The following SRRM4 variants were observed in gnomAD, a reference collection of about 807,000 sequenced individuals.
SRRM4 encodes serine/arginine repetitive matrix protein 4.
A neutral mutation model predicts 68.9 loss-of-function variants in SRRM4; 33 were observed. The observed-to-expected ratio is 0.48, with a 90% CI of 0.36 to 0.64. The LOEUF is 0.64. Among genes scored for constraint, SRRM4 ranks in the 30% least tolerant of loss-of-function variants. SRRM4 has a pLI of 0.00. For missense variants in SRRM4, 817 were observed against 827.1 expected, an observed-to-expected ratio of 0.99 and a Z score of 0.15; for synonymous variants, 318 against 318.8, an observed-to-expected ratio of 1.00 and a Z score of 0.03.
Position 119,145,573 on chromosome 12 carries a change from C to A in SRRM4, c.964C>A (p.Leu322Ile). ...TGGGGGCTTGAGCAAGAGCCGGGAG[C>A]TCAACAGTGGCAACACCTCTGATTC... ...PSGGLSKSRE[L>I]NSGNTSDSGN... is the part of the protein sequence containing the mutation. The change falls in exon 9 of 13, where the codon CTC becomes ATC. Residue 322 changes from leucine (L) to isoleucine (I), a missense_variant. Transcript: ENST00000267260. 3.1e-6 allele frequency: 5 copies of A among 1,602,310 alleles called. No individual in the cohort carries two copies. Among genetic ancestry groups the A allele is most frequent in the South Asian group, 1.1e-5 (1 of 89,248 alleles).
At chr12:119,032,896 G>T (rs1247876042) in intron 1 of SRRM4, among the ~76,000 whole-genome samples, 1 of 151,936 alleles carries the variant, frequency 6.6e-6, no homozygotes, top group African/African-American at 2.4e-5. Context: ...ATTTTGTTGA[G>T]AATTTAAAAT....
At chr12:119,146,442 C>G (rs559930093) in intron 9 of SRRM4, among the ~76,000 whole-genome samples, 1 of 151,618 alleles carries the variant, frequency 6.6e-6, no homozygotes, top group Admixed American at 6.6e-5. Flanking sequence ...CAAAATTAGC[C>G]GGGTGTGGTG....
intron 1 of SRRM4, among the ~76,000 whole-genome samples, chr12:118,990,722 T>C (rs976119756): frequency 6.6e-6 from 1 of 152,248 alleles, no homozygotes; most frequent in African/African-American, 2.4e-5. Flanking sequence ...ATTATCCACA[T>C]AGACCCAGAA....
intron 1 of SRRM4, among the ~76,000 whole-genome samples, chr12:119,055,159 T>C (rs1436030142): frequency 2.0e-5 from 3 of 152,074 alleles, no homozygotes; most frequent in Non-Finnish European, 4.4e-5. Context: ...CTCTGTGAAA[T>C]CTTATTTTTA....
chr12:119,077,851 AAG>A (rs1953925612), intron 1 of SRRM4, among the ~76,000 whole-genome samples: 2 of 152,140 alleles, frequency 1.3e-5, no homozygotes, highest in Non-Finnish European at 2.9e-5. Context: ...TACAGACAAT[AAG>A]AGTGATTTTA....
chr12:119,030,678 C>T (rs2136005899), intron 1 of SRRM4, among the ~76,000 whole-genome samples: 1 of 152,258 alleles, frequency 6.6e-6, no homozygotes, highest in East Asian at 1.9e-4. Context: ...GCTTTATAAG[C>T]CATTTTTCTC....
intron 1 of SRRM4, among the ~76,000 whole-genome samples, chr12:119,032,052 G>C (rs558687460): frequency 6.6e-5 from 10 of 152,222 alleles, no homozygotes; most frequent in African/African-American, 2.4e-4. Flanking sequence ...ATAGTAATTA[G>C]TAATTTTGTT....
rs1317326701 is a variant in SRRM4, at chr12:119,160,319, CT to C, written c.*3522del. The C allele has an allele frequency of 9.5e-5, 12 of 125,918 alleles. No individual in the cohort carries two copies. Among genetic ancestry groups the C allele is most frequent in the African/African-American group, 3.8e-4 (12 of 31,438 alleles). 7.8% of individuals were successfully genotyped at this position (125,918 alleles called of 1,614,324 possible). A position where few individuals can be genotyped will look rare whatever the true frequency, so the allele number is the denominator to read the frequency against. ...TCTCTCTCTCTCTCTCTCTCTCTCT[CT>C]CTCAGTGTATTTCTCTACTTTCTTT... On this transcript the variant is annotated 3_prime_UTR_variant, in exon 13 of 13. Coordinates refer to ENST00000267260, the MANE Select transcript of SRRM4 (RefSeq NM_194286.4).
At chr12:119,013,169 G>A (rs561281824) in intron 1 of SRRM4, among the ~76,000 whole-genome samples, 45 of 152,174 alleles carry the variant, frequency 3.0e-4, no homozygotes, top group African/African-American at 1.1e-3. Flanking sequence ...AAATTTTGGA[G>A]TCAATCAGGC....
chr12:119,097,438 C>T (rs1954052792), intron 1 of SRRM4, among the ~76,000 whole-genome samples: 1 of 152,038 alleles, frequency 6.6e-6, no homozygotes, highest in Admixed American at 6.5e-5. Context: ...TTCATTTGTT[C>T]ATTCAATGAA....
At chr12:119,103,803 G>A (rs1277337557) in intron 2 of SRRM4, among the ~76,000 whole-genome samples, 3 of 152,170 alleles carry the variant, frequency 2.0e-5, no homozygotes, top group Non-Finnish European at 4.4e-5. Flanking sequence ...AGGAGTTGGA[G>A]ACCAGCCTGG....
At chr12:119,040,997 G>A (rs1489444824) in intron 1 of SRRM4, among the ~76,000 whole-genome samples, 4 of 151,898 alleles carry the variant, frequency 2.6e-5, no homozygotes, top group African/African-American at 7.3e-5. Flanking sequence ...TGATCCACTC[G>A]CCTCAGCCTC....
chr12:118,994,443 C>G (rs2135990707), intron 1 of SRRM4, among the ~76,000 whole-genome samples: 1 of 152,230 alleles, frequency 6.6e-6, no homozygotes, highest in East Asian at 1.9e-4. Context: ...CCATTTCAGC[C>G]ACCCTGATGT....
intron 3 of SRRM4, among the ~76,000 whole-genome samples, chr12:119,116,492 C>T (rs1158894772): frequency 2.6e-5 from 4 of 152,178 alleles, no homozygotes; most frequent in Non-Finnish European, 4.4e-5. Flanking sequence ...GCCTTTCCAG[C>T]TTGACCAGGC....
intron 1 of SRRM4, among the ~76,000 whole-genome samples, chr12:119,088,259 T>C (rs1309404811): frequency 2.1e-4 from 32 of 152,096 alleles, no homozygotes; most frequent in Admixed American, 2.0e-3. Flanking sequence ...CTTACAAAAG[T>C]CCTGGAATTG....
chr12:119,119,557 G>A (rs1954204614), intron 4 of SRRM4, among the ~76,000 whole-genome samples: 1 of 151,940 alleles, frequency 6.6e-6, no homozygotes, highest in Non-Finnish European at 1.5e-5. Context: ...AGCTACATGG[G>A]TGATGCTGTT....
At chr12:118,994,981 C>G (rs931164085) in intron 1 of SRRM4, among the ~76,000 whole-genome samples, 1 of 152,186 alleles carries the variant, frequency 6.6e-6, no homozygotes, top group Admixed American at 6.5e-5. Context: ...GAGGGAAAGG[C>G]ATTTACCCAA....
intron 1 of SRRM4, among the ~76,000 whole-genome samples, chr12:119,068,487 G>A (rs1953859288): frequency 6.6e-6 from 1 of 152,214 alleles, no homozygotes; most frequent in Non-Finnish European, 1.5e-5. Flanking sequence ...CAAGCAAAGA[G>A]AAGAGCTGGG....
intron 1 of SRRM4, among the ~76,000 whole-genome samples, chr12:119,038,231 G>GTC (rs1175548180): frequency 6.9e-6 from 1 of 145,292 alleles, no homozygotes; most frequent in African/African-American, 2.6e-5. Context: ...TTGAGACAGA[G>GTC]TCTCTCTCTG....
Sources: gnomAD v4.1 joint callset for allele counts (sites outside exome capture counted in the v4.1 genomes callset) on GRCh38, gnomAD v4.1.1 for gene constraint, MANE v1.5 for transcripts, NCBI Gene and HGNC (gene_info 2026-07-23, HGNC 2026-07-21) for gene names.